CCSER1: variants seen among roughly 807,000 people sequenced by gnomAD.
CCSER1 encodes serine-rich coiled-coil domain-containing protein 1.
In CCSER1, 41 loss-of-function variants were observed where a neutral mutation model predicts 82.0. That is an observed-to-expected ratio of 0.50 (90% CI 0.39 to 0.65). The LOEUF is 0.65. CCSER1 is among the 30% of genes least tolerant of loss of function. The probability of loss-of-function intolerance (pLI) is 0.00; values close to 1 mark genes in which losing one functional copy is unlikely to be tolerated. For synonymous variants in CCSER1, 414 were observed against 383.9 expected, an observed-to-expected ratio of 1.08 and a Z score of -0.92; for missense variants, 1,119 against 1,064.2, an observed-to-expected ratio of 1.05 and a Z score of -0.72.
At chr4:91,398,076 T>G (rs1752097710) in intron 10 of CCSER1, among the ~76,000 whole-genome samples, 1 of 151,964 alleles carries the variant, frequency 6.6e-6, no homozygotes, top group East Asian at 1.9e-4. Flanking sequence ...TTTTAAAACT[T>G]TTTGGGTCTC....
intron 1 of CCSER1, among the ~76,000 whole-genome samples, chr4:90,286,666 G>A (rs1201694672): frequency 6.6e-6 from 1 of 151,948 alleles, no homozygotes; most frequent in Non-Finnish European, 1.5e-5. Flanking sequence ...CTTGGACAGG[G>A]CTAGTGTTGG....
chr4:90,616,836 T>C (rs950787857), intron 5 of CCSER1, among the ~76,000 whole-genome samples: 7 of 152,170 alleles, frequency 4.6e-5, no homozygotes, highest in African/African-American at 1.7e-4. Context: ...AACTAGCTTA[T>C]ATCCTCTAAT....
chr4:90,938,447 G>T (rs2150319850), intron 9 of CCSER1, among the ~76,000 whole-genome samples: 1 of 152,090 alleles, frequency 6.6e-6, no homozygotes, highest in African/African-American at 2.4e-5. Flanking sequence ...TTAATCTCAT[G>T]TTTGGTAATA....
At chr4:91,419,308 A>G (rs1016253668) in intron 10 of CCSER1, among the ~76,000 whole-genome samples, 51 of 152,086 alleles carry the variant, frequency 3.4e-4, no homozygotes, top group African/African-American at 1.2e-3. Context: ...TGCAAATGAC[A>G]TGATCTAATA....
At chr4:91,296,489 T>A (rs1744193739) in intron 10 of CCSER1, among the ~76,000 whole-genome samples, 2 of 109,734 alleles carry the variant, frequency 1.8e-5, no homozygotes, top group Admixed American at 1.7e-4. Flanking sequence ...ATATATATTT[T>A]AATTAAATAT....
chr4:90,952,467 G>A (rs1317134065), intron 9 of CCSER1, among the ~76,000 whole-genome samples: 1 of 151,980 alleles, frequency 6.6e-6, no homozygotes. Context: ...TGCCCACCAG[G>A]TTAATATTGC....
At chr4:90,983,710 G>A (rs1736330897) in intron 9 of CCSER1, among the ~76,000 whole-genome samples, 1 of 151,588 alleles carries the variant, frequency 6.6e-6, no homozygotes, top group Non-Finnish European at 1.5e-5. Context: ...ATGCATTTGG[G>A]CTATTAGACA....
chr4:90,319,794 GTTAATAGAATTAAAGCAAA>G (rs1459781266), intron 3 of CCSER1, among the ~76,000 whole-genome samples: 1 of 152,150 alleles, frequency 6.6e-6, no homozygotes, highest in Non-Finnish European at 1.5e-5. Flanking sequence ...GTAACTGACT[GTTAATAGAATTAAAGCAAA>G]TATTGCTTGG....
At chr4:91,353,182 C>T (rs1748590805) in intron 10 of CCSER1, among the ~76,000 whole-genome samples, 1 of 152,196 alleles carries the variant, frequency 6.6e-6, no homozygotes, top group South Asian at 2.1e-4. Context: ...GGGCTTTATT[C>T]AGCCAGGAGC....
intron 1 of CCSER1, among the ~76,000 whole-genome samples, chr4:90,263,702 G>A (rs889527836): frequency 1.3e-5 from 2 of 152,166 alleles, no homozygotes; most frequent in Admixed American, 1.3e-4. Flanking sequence ...TGGGATTTGA[G>A]CTTGCCCTAA....
chr4:91,274,380 T>A (rs1742264398), intron 10 of CCSER1, among the ~76,000 whole-genome samples: 1 of 152,144 alleles, frequency 6.6e-6, no homozygotes, highest in African/African-American at 2.4e-5. Context: ...AACACTGTTG[T>A]TTACTATAGT....
rs753896027 is a variant in CCSER1, at chr4:90,312,969, G to A, written c.1431G>A (p.Pro477=). 2.6e-5 allele frequency: 41 copies of A among 1,600,450 alleles called. No individual in the cohort carries two copies. Among genetic ancestry groups the A allele is most frequent in the Middle Eastern group, 1.6e-4 (1 of 6,070 alleles). ...TAGSSRMILK[P]KDGNIEEVNS... is the part of the protein sequence containing the mutation. ...GGAGTAGCAGAATGATTTTGAAACC[G>A]AAAGATGGAAATATAGAAGAAGTTA... is the stretch of plus-strand genomic sequence containing the variant. The change falls in exon 3 of 11, where the codon CCG becomes CCA. Residue 477 remains proline (P), a synonymous_variant. Coordinates refer to ENST00000509176, the MANE Select transcript of CCSER1 (RefSeq NM_001145065.2).
At chr4:91,430,463 A>G (rs1754229462) in intron 10 of CCSER1, among the ~76,000 whole-genome samples, 2 of 152,204 alleles carry the variant, frequency 1.3e-5, no homozygotes, top group African/African-American at 2.4e-5. Context: ...TTTGCTTACA[A>G]TGCACCAGTA....
chr4:90,856,240 G>C (rs1279697943), intron 8 of CCSER1, among the ~76,000 whole-genome samples: 17 of 151,890 alleles, frequency 1.1e-4, no homozygotes. Flanking sequence ...GTTCTGTTTT[G>C]TTTAAGCTGA....
intron 10 of CCSER1, among the ~76,000 whole-genome samples, chr4:91,536,312 T>C (rs1042033500): frequency 5.3e-5 from 8 of 152,122 alleles, no homozygotes; most frequent in Non-Finnish European, 8.8e-5. Context: ...TACATATTCA[T>C]AATTTCCAGA....
chr4:91,387,491 A>G (rs1751371259), intron 10 of CCSER1, among the ~76,000 whole-genome samples: 1 of 152,078 alleles, frequency 6.6e-6, no homozygotes. Context: ...TTAAGAAGAT[A>G]TATCAAAATC....
chr4:90,913,891 CAAAG>C (rs1414026443), intron 8 of CCSER1, among the ~76,000 whole-genome samples: 3 of 152,050 alleles, frequency 2.0e-5, no homozygotes, highest in Admixed American at 6.6e-5. Context: ...TCAAAAGAGA[CAAAG>C]AAGGCCATTA....
chr4:90,271,849 TATATATATATATA>T (rs1206501548), intron 1 of CCSER1, among the ~76,000 whole-genome samples: 6 of 24,194 alleles, frequency 2.5e-4, no homozygotes, highest in East Asian at 2.0e-3. Context: ...TATATATATA[TATATATATATATA>T]TTTTTTTTTT....
At chr4:90,184,646 G>T (rs1408600126) in intron 1 of CCSER1, among the ~76,000 whole-genome samples, 1 of 152,078 alleles carries the variant, frequency 6.6e-6, no homozygotes. Context: ...TGAAAACTTG[G>T]TGCAATTGTT....
Sources: gnomAD v4.1 joint callset for allele counts (sites outside exome capture counted in the v4.1 genomes callset) on GRCh38, gnomAD v4.1.1 for gene constraint, MANE v1.5 for transcripts, NCBI Gene and HGNC (gene_info 2026-07-23, HGNC 2026-07-21) for gene names.